The following NLRP14 variants were observed in gnomAD, a reference collection of about 807,000 sequenced individuals.
The protein encoded by NLRP14 is NLR family pyrin domain containing 14, also known as NACHT, LRR and PYD domains-containing protein 14.
In NLRP14, 105 loss-of-function variants were observed where a neutral mutation model predicts 94.7. The ratio of observed to expected loss-of-function variants is 1.11; its 90% CI spans 0.95 to 1.30. The LOEUF (loss-of-function observed/expected upper bound fraction) is 1.30, where lower values mean the gene tolerates loss of function less well. NLRP14 is among the 50% of genes most tolerant of loss of function. The pLI is 0.00. For missense variants in NLRP14, 1,362 were observed against 1,254.1 expected, an observed-to-expected ratio of 1.09 and a Z score of -1.30; for synonymous variants, 508 against 459.9, an observed-to-expected ratio of 1.10 and a Z score of -1.34.
rs554230268 is a variant in NLRP14, at chr11:7,031,801, G to GC, written c.-21-6764dup. Reference sequence around the variant, plus strand: ...AAACAAACCGCCTGAAAACTGCTTTGCAGGTGCAACAGCTGCTCTCACTGG... The same window carrying GC: ...AAACAAACCGCCTGAAAACTGCTTTGCCAGGTGCAACAGCTGCTCTCACTGG... On this transcript the variant is annotated intron_variant, in intron 1 of 11. Coordinates refer to ENST00000299481, the MANE Select transcript of NLRP14 (RefSeq NM_176822.4). 7.4e-4 allele frequency among the ~76,000 whole-genome samples: 113 copies of GC among 152,262 alleles called. 2 individuals are homozygous for GC. The East Asian group carries it at 0.02, about 28-fold the overall frequency.
chr11:7,086,634 A>G, the NLRP14 span, among the ~76,000 whole-genome samples: 3 of 152,204 alleles, frequency 2.0e-5, no homozygotes, highest in Non-Finnish European at 4.4e-5. Context: ...AAGAGACACA[A>G]TCATTTCACA....
intron 1 of NLRP14, among the ~76,000 whole-genome samples, chr11:7,033,255 A>G (rs1258162123): frequency 6.6e-6 from 1 of 152,210 alleles, no homozygotes; most frequent in Non-Finnish European, 1.5e-5. Context: ...ACATATTTCT[A>G]TTGGATATTT....
chr11:7,065,071 T>A (rs1293411967), intron 10 of NLRP14, among the ~76,000 whole-genome samples: 1 of 152,066 alleles, frequency 6.6e-6, no homozygotes, highest in African/African-American at 2.4e-5. Context: ...TCCTTCCCCT[T>A]TACATTTGCA....
intron 11 of NLRP14, 108 bp from the exon 12 acceptor site, chr11:7,071,065 A>G: frequency 3.1e-6 from 4 of 1,277,546 alleles, no homozygotes; most frequent in East Asian, 4.8e-5. Flanking sequence ...TTATCTCTCT[A>G]TTTTAACAGA....
At chr11:7,050,475 A>G (rs1410994232) in intron 6 of NLRP14, among the ~76,000 whole-genome samples, 1 of 152,122 alleles carries the variant, frequency 6.6e-6, no homozygotes, top group Non-Finnish European at 1.5e-5. Context: ...TTATTTTTCA[A>G]TGAAAGTCAA....
intron 8 of NLRP14, among the ~76,000 whole-genome samples, chr11:7,059,666 G>A (rs117064739): frequency 0.019 from 2,815 of 152,054 alleles, 41 homozygotes; most frequent in Middle Eastern, 0.044. Context: ...AATGAGGTTA[G>A]CATTTAATTT....
Position 7,037,351 on chromosome 11 carries a change from T to G in NLRP14, c.-21-1215T>G, listed in dbSNP as rs142073781. Among the ~76,000 whole-genome samples the G allele has an allele frequency of 5.5e-3, 836 of 152,326 alleles. 3 individuals are homozygous for G. Among genetic ancestry groups the G allele is most frequent in the African/African-American group, 0.013 (555 of 41,574 alleles). On this transcript the variant is annotated intron_variant, in intron 1 of 11. Coordinates refer to ENST00000299481, the MANE Select transcript of NLRP14 (RefSeq NM_176822.4). ...GATTTACTATATGTTTCGAGACAATTCACCTTCTGTTTAAAAGAAAAACTC... is the reference window on the plus strand; with the variant it reads ...GATTTACTATATGTTTCGAGACAATGCACCTTCTGTTTAAAAGAAAAACTC...
At chr11:7,078,462 A>AAAAAGAAAAAAAAAAAAAG in the NLRP14 span, among the ~76,000 whole-genome samples, 1 of 88,486 alleles carries the variant, frequency 1.1e-5, no homozygotes. Flanking sequence ...AAAAAAAAAA[A>AAAAAGAAAAAAAAAAAAAG]CAAAAAAATT....
chr11:7,030,357 A>G (rs889066789), intron 1 of NLRP14, among the ~76,000 whole-genome samples: 9 of 152,232 alleles, frequency 5.9e-5, no homozygotes, highest in African/African-American at 2.2e-4. Context: ...TTCCTTAAAT[A>G]TATCGAGTAG....
At chr11:7,054,170 G>C (rs1377019738) in intron 6 of NLRP14, among the ~76,000 whole-genome samples, 1 of 152,158 alleles carries the variant, frequency 6.6e-6, no homozygotes, top group Non-Finnish European at 1.5e-5. Flanking sequence ...GTACTCCAGT[G>C]TGTGTATGTA....
chr11:7,068,350 G>T (rs1279113522), intron 10 of NLRP14, among the ~76,000 whole-genome samples: 1 of 151,988 alleles, frequency 6.6e-6, no homozygotes, highest in East Asian at 1.9e-4. Flanking sequence ...GATATTTAAG[G>T]TTACAACTTC....
chr11:7,060,105 C>A (rs912810612), intron 9 of NLRP14, 41 bp downstream of exon 9: 9 of 1,534,850 alleles, frequency 5.9e-6, no homozygotes, highest in African/African-American at 2.7e-5. Flanking sequence ...GTTTCAACAA[C>A]AGAGTGTCTG....
chr11:7,052,985 A>G (rs1232845039), intron 6 of NLRP14, among the ~76,000 whole-genome samples: 1 of 152,180 alleles, frequency 6.6e-6, no homozygotes, highest in African/African-American at 2.4e-5. Context: ...ATAAACCATG[A>G]TATATATGTA....
intron 1 of NLRP14, among the ~76,000 whole-genome samples, chr11:7,030,457 C>A (rs1345554710): frequency 1.4e-4 from 21 of 152,210 alleles, no homozygotes; most frequent in Non-Finnish European, 2.9e-4. Context: ...CTTTCACATT[C>A]TGCAAATATC....
chr11:7,051,275 A>G (rs1852437733), intron 6 of NLRP14, among the ~76,000 whole-genome samples: 1 of 152,234 alleles, frequency 6.6e-6, no homozygotes, highest in Non-Finnish European at 1.5e-5. Flanking sequence ...CTGAGGAGCA[A>G]TCAATGGTCC....
Position 7,046,728 on chromosome 11 carries a change from A to G in NLRP14, c.2019A>G (p.Glu673=), listed in dbSNP as rs1297342871. The change falls in exon 5 of 12, where the codon GAA becomes GAG. Residue 673 remains glutamate, a synonymous_variant. Coordinates refer to ENST00000299481, the MANE Select transcript of NLRP14 (RefSeq NM_176822.4). ...QDLCSVLHTN[E]HLRELDLYHS... is the part of the protein sequence containing the mutation. ...TCTGTTCTGTGCTTCATACAAATGA[A>G]CACTTGAGAGAATTGGACCTGTACC... 6.2e-7 allele frequency: 1 copy of G among 1,613,388 alleles called. No homozygotes were observed. The highest frequency in any genetic ancestry group is 1.3e-5 in the African/African-American group (1 of 74,930).
chr11:7,036,873 T>C (rs995821312), intron 1 of NLRP14, among the ~76,000 whole-genome samples: 1 of 152,198 alleles, frequency 6.6e-6, no homozygotes, highest in African/African-American at 2.4e-5. Context: ...TAAGTGCTAA[T>C]GAGTAGGACT....
the NLRP14 span, among the ~76,000 whole-genome samples, chr11:7,086,709 G>A: frequency 9.2e-5 from 14 of 151,710 alleles, no homozygotes; most frequent in Non-Finnish European, 7.4e-5. Flanking sequence ...ATTTTTTGCA[G>A]AGCAGAGACC....
Position 7,056,748 on chromosome 11 carries a change from G to A in NLRP14, c.2292-929G>A, listed in dbSNP as rs538630170. On this transcript the variant is annotated intron_variant, in intron 6 of 11. Coordinates refer to ENST00000299481, the MANE Select transcript of NLRP14 (RefSeq NM_176822.4). ...CAAAAGGTGAATGGATAAAGAAAAT[G>A]TGGTACATATACATTTGTGTCCAGA... Among the ~76,000 whole-genome samples the A allele has an allele frequency of 6.6e-5, 10 of 152,064 alleles. No individual in the cohort carries two copies. In the East Asian group the frequency reaches 1.9e-3, roughly 29 times the overall value.
Sources: gnomAD v4.1 joint callset for allele counts (sites outside exome capture counted in the v4.1 genomes callset) on GRCh38, gnomAD v4.1.1 for gene constraint, MANE v1.5 for transcripts, NCBI Gene and HGNC (gene_info 2026-07-23, HGNC 2026-07-21) for gene names.